GREB1L: variants seen among roughly 807,000 people sequenced by gnomAD.
GREB1L encodes the protein GREB1 like retinoic acid receptor coactivator, also known as GREB1-like protein.
In GREB1L, 17 loss-of-function variants were observed where a neutral mutation model predicts 200.8. The ratio of observed to expected loss-of-function variants is 0.08; its 90% confidence interval spans 0.06 to 0.13. The LOEUF (loss-of-function observed/expected upper bound fraction) is 0.13, where lower values mean the gene tolerates loss of function less well. GREB1L is among the 10% of genes least tolerant of loss of function. The probability of loss-of-function intolerance (pLI) is 1.00; values close to 1 mark genes in which losing one functional copy is unlikely to be tolerated. For synonymous variants in GREB1L, 789 were observed against 893.0 expected, an observed-to-expected ratio of 0.88 and a Z score of 2.08; for missense variants, 1,657 against 2,367.7, an observed-to-expected ratio of 0.70 and a Z score of 6.23.
At chr18:21,350,602 G>C (rs1040841574) in intron 1 of GREB1L, among the ~76,000 whole-genome samples, 4 of 152,068 alleles carry the variant, frequency 2.6e-5, no homozygotes, top group Non-Finnish European at 4.4e-5. Context: ...GGCATATTGA[G>C]TTTGACAGGA....
chr18:21,485,879 C>T (rs569471930), intron 18 of GREB1L, 126 bp downstream of exon 18: 1 of 842,926 alleles, frequency 1.2e-6, no homozygotes. Context: ...CGTGCAAAGG[C>T]CAAATTAAAA....
chr18:21,327,905 G>A (rs1400719455), intron 1 of GREB1L, among the ~76,000 whole-genome samples: 2 of 151,778 alleles, frequency 1.3e-5, no homozygotes, highest in African/African-American at 2.4e-5. Context: ...TAATAGAGAC[G>A]GGGTTTCACC....
intron 1 of GREB1L, among the ~76,000 whole-genome samples, chr18:21,256,394 A>G (rs1458977086): frequency 1.3e-5 from 2 of 152,164 alleles, no homozygotes; most frequent in Admixed American, 6.5e-5. Context: ...AGCACAGTGA[A>G]TGATCAAGGT....
intron 7 of GREB1L, among the ~76,000 whole-genome samples, chr18:21,421,245 C>T (rs1023650544): frequency 3.3e-5 from 5 of 152,080 alleles, no homozygotes; most frequent in African/African-American, 1.2e-4. Context: ...AAATTGTGTA[C>T]TTTAAGTATG....
intron 7 of GREB1L, among the ~76,000 whole-genome samples, chr18:21,408,102 G>A (rs142418060): frequency 2.2e-3 from 329 of 152,248 alleles, no homozygotes; most frequent in African/African-American, 7.8e-3. Context: ...TAAATAGCTA[G>A]AAGAGAAGAT....
At position 21,478,651 on chromosome 18, in the gene GREB1L, CAG is replaced by C. The variant is rs1568043663; in HGVS notation, c.2556+1296_2556+1297del. On this transcript the variant is annotated intron_variant, in intron 17 of 32. Transcript: ENST00000424526. The stretch of plus-strand genomic sequence containing the variant: ...AGTCACTGCCTTATGAGAACTAACT[CAG>C]TGTGTTCTATCACTAGAGATTACTT... 5.3e-5 allele frequency among the ~76,000 whole-genome samples: 8 copies of C among 152,308 alleles called. No individual in the cohort carries two copies. The South Asian group carries it at 1.7e-3, about 32-fold the overall frequency.
intron 21 of GREB1L, among the ~76,000 whole-genome samples, chr18:21,498,576 T>TC (rs1276417531): frequency 2.0e-5 from 3 of 152,136 alleles, no homozygotes; most frequent in African/African-American, 7.2e-5. Flanking sequence ...CACTCCTTCC[T>TC]CTCCCTCACT....
chr18:21,251,508 C>A (rs1349071700), intron 1 of GREB1L, among the ~76,000 whole-genome samples: 1 of 151,812 alleles, frequency 6.6e-6, no homozygotes, highest in Non-Finnish European at 1.5e-5. Flanking sequence ...TTTATTTAAG[C>A]CAAACAAGAA....
intron 17 of GREB1L, among the ~76,000 whole-genome samples, chr18:21,477,996 T>TA (rs2035774066): frequency 1.3e-5 from 2 of 152,338 alleles, no homozygotes; most frequent in South Asian, 4.1e-4. Context: ...ATCATCAATA[T>TA]CCTGGATTTC....
rs183342521 is a variant in GREB1L, at chr18:21,439,152, G to A, written c.833-369G>A. On this transcript the variant is annotated intron_variant, in intron 7 of 32. Transcript: ENST00000424526. ...TGGTAAATGTTGAAATTGGATGGTG[G>A]GTATGTAGATGTTTATTATCCTATT... 7.9e-5 allele frequency among the ~76,000 whole-genome samples: 12 copies of A among 151,630 alleles called. No individual in the cohort carries two copies. In the East Asian group the frequency reaches 2.3e-3, roughly 29 times the overall value.
chr18:21,275,641 G>A (rs1431776346), intron 1 of GREB1L, among the ~76,000 whole-genome samples: 1 of 151,922 alleles, frequency 6.6e-6, no homozygotes. Flanking sequence ...TGACAGCCTG[G>A]ATGACAGGAT....
chr18:21,412,515 A>G (rs1415397438), intron 7 of GREB1L, among the ~76,000 whole-genome samples: 1 of 152,220 alleles, frequency 6.6e-6, no homozygotes. Context: ...TGCAAAGATG[A>G]TACTGAACAA....
chr18:21,377,718 ATAGTTTTGACTTCATGGACCATCTCTACT>A (rs1176718083), intron 2 of GREB1L, among the ~76,000 whole-genome samples: 6 of 152,050 alleles, frequency 3.9e-5, no homozygotes, highest in African/African-American at 1.2e-4. Flanking sequence ...TTTTTAAAAA[ATAGTTTTGACTTCATGGACCATCTCTACT>A]AAAAATACAA....
In GREB1L at chr18:21,449,564, T is replaced by C; in HGVS notation, c.1448T>C (p.Met483Thr). 2.6e-6 allele frequency: 4 copies of C among 1,551,410 alleles called. No homozygotes were observed. Among genetic ancestry groups the C allele is most frequent in the Non-Finnish European group, 3.5e-6 (4 of 1,146,868 alleles). ...EEFEQIMLKAMQEFTLRERAL... is the reference protein window; with the variant it reads ...EEFEQIMLKATQEFTLRERAL... ...TTTGAGCAAATTATGCTGAAAGCTA[T>C]GCAAGAATTTACTCTGAGAGAAAGA... is the stretch of plus-strand genomic sequence containing the variant. The change falls in exon 12 of 33, where the codon ATG becomes ACG. Residue 483 changes from methionine to threonine, a missense_variant. Coordinates refer to ENST00000424526, the MANE Select transcript of GREB1L (RefSeq NM_001142966.3).
At chr18:21,520,120 T>C (rs758372025) in intron 31 of GREB1L, among the ~76,000 whole-genome samples, 2 of 152,096 alleles carry the variant, frequency 1.3e-5, no homozygotes, top group African/African-American at 2.4e-5. Context: ...TTGTATTTTT[T>C]ACTAGAGATG....
chr18:21,449,347 A>G (rs528091251), intron 11 of GREB1L, among the ~76,000 whole-genome samples, 163 bp from the exon 12 acceptor site: 2 of 152,326 alleles, frequency 1.3e-5, no homozygotes, highest in Admixed American at 1.3e-4. Flanking sequence ...ACAGGGAATG[A>G]TTAGTAGGGA....
chr18:21,385,722 ATT>A, intron 4 of GREB1L, among the ~76,000 whole-genome samples: 1 of 152,186 alleles, frequency 6.6e-6, no homozygotes, highest in Non-Finnish European at 1.5e-5. Flanking sequence ...CTGTCAACTC[ATT>A]TATCAGGTAA....
chr18:21,425,260 C>T (rs2032472379), intron 7 of GREB1L, among the ~76,000 whole-genome samples: 1 of 151,900 alleles, frequency 6.6e-6, no homozygotes, highest in Non-Finnish European at 1.5e-5. Flanking sequence ...CTATGTTTAT[C>T]CATACAATAT....
intron 1 of GREB1L, among the ~76,000 whole-genome samples, chr18:21,318,792 C>T (rs577436977): frequency 6.6e-5 from 10 of 152,102 alleles, no homozygotes; most frequent in Admixed American, 1.3e-4. Context: ...ATAAAACATG[C>T]GTAACAGATG....
Sources: gnomAD v4.1 joint callset for allele counts (sites outside exome capture counted in the v4.1 genomes callset) on GRCh38, gnomAD v4.1.1 for gene constraint, MANE v1.5 for transcripts, NCBI Gene and HGNC (gene_info 2026-07-23, HGNC 2026-07-21) for gene names.